Variants in COL12A1 observed in about 807,000 individuals in gnomAD.
COL12A1 encodes the protein collagen alpha-1(XII) chain.
COL12A1 carries 114 observed loss-of-function variants against 349.7 expected under a neutral mutation model. The observed-to-expected ratio is 0.33, with a 90% CI of 0.28 to 0.38. The LOEUF (loss-of-function observed/expected upper bound fraction) is 0.38. COL12A1 is among the 10% of genes least tolerant of loss of function. The pLI, the probability that COL12A1 is intolerant of heterozygous loss-of-function variation, is 1.00. For missense variants in COL12A1, 3,284 were observed against 3,756.9 expected (o/e 0.87, Z 3.29); for synonymous variants, 1,369 against 1,329.0 (o/e 1.03, Z -0.66).
chr6:75,181,234 AGTT>A, intron 10 of COL12A1, 23 bp from the exon 11 acceptor site: 1 of 1,556,090 alleles, frequency 6.4e-7, no homozygotes, highest in Non-Finnish European at 8.7e-7. Flanking sequence ...AAAAAAAGAC[AGTT>A]AAAAATGCTT....
At chr6:75,098,624 A>C (rs1768161837) in intron 58 of COL12A1, among the ~76,000 whole-genome samples, 1 of 152,140 alleles carries the variant, frequency 6.6e-6, no homozygotes, top group Non-Finnish European at 1.5e-5. Flanking sequence ...GCACCACTGC[A>C]CTCCAGCCTG....
intron 31 of COL12A1, among the ~76,000 whole-genome samples, chr6:75,137,016 C>T (rs1766643459): frequency 6.6e-6 from 1 of 152,042 alleles, no homozygotes; most frequent in Admixed American, 6.6e-5. Context: ...ATGCAAAAAA[C>T]AGGGGGAAAT....
At chr6:75,102,789 A>G in intron 55 of COL12A1, 97 bp from the exon 56 acceptor site, 1 of 583,114 alleles carries the variant, frequency 1.7e-6, no homozygotes, top group Non-Finnish European at 2.7e-6. Flanking sequence ...CTAAGACATC[A>G]ATCATATAAT....
intron 26 of COL12A1, among the ~76,000 whole-genome samples, chr6:75,142,366 G>A (rs1766940041): frequency 6.6e-6 from 1 of 152,060 alleles, no homozygotes; most frequent in African/African-American, 2.4e-5. Flanking sequence ...TAGATCATAT[G>A]GCACATGACT....
At chr6:75,140,604 C>T (rs1202267379) in intron 27 of COL12A1, among the ~76,000 whole-genome samples, 1 of 141,300 alleles carries the variant, frequency 7.1e-6, no homozygotes, top group Non-Finnish European at 1.5e-5. Flanking sequence ...TTCAGTGAGC[C>T]GAGATCGTGC....
chr6:75,090,364 T>G lies in COL12A1; in HGVS notation c.8753-66A>C. 6.8e-7 allele frequency: 1 copy of G among 1,476,310 alleles called. No homozygotes were observed. The highest frequency in any genetic ancestry group is 9.2e-7 in the Non-Finnish European group (1 of 1,085,644). 91.5% of individuals were successfully genotyped at this position (1,476,310 alleles called of 1,614,324 possible). ...AAGGACGGATGAGAGAGTGAAACTG[T>G]TTTCTCTTAGTGTCTAGTGAAATCC... is the stretch of plus-strand genomic sequence containing the variant. On this transcript the variant is annotated intron_variant, in intron 62 of 65. Transcript: ENST00000322507. This position sits in a 1 kb window ranked among gnomAD's most constrained non-coding sequence, Gnocchi z 4.1.
intron 38 of COL12A1, 53 bp from the exon 39 acceptor site, chr6:75,126,523 A>G (rs1341870140): frequency 1.3e-6 from 2 of 1,549,156 alleles, no homozygotes; most frequent in South Asian, 2.4e-5. Context: ...ACACAGGGAG[A>G]GCACAAAACT....
At chr6:75,137,746 G>A (rs539585193) in intron 30 of COL12A1, among the ~76,000 whole-genome samples, 167 bp from the exon 31 acceptor site, 1 of 152,098 alleles carries the variant, frequency 6.6e-6, no homozygotes, top group African/African-American at 2.4e-5. Flanking sequence ...CCTTAGTATG[G>A]ACTTTCATTT....
At chr6:75,135,170 G>C (rs907050467) in intron 31 of COL12A1, among the ~76,000 whole-genome samples, 1 of 150,074 alleles carries the variant, frequency 6.7e-6, no homozygotes, top group Non-Finnish European at 1.5e-5. Context: ...GGGCGGGGGG[G>C]ACTAATCATA....
chr6:75,096,199 G>A (rs1005573305), intron 59 of COL12A1, among the ~76,000 whole-genome samples: 2 of 152,042 alleles, frequency 1.3e-5, no homozygotes, highest in East Asian at 1.9e-4. Context: ...TTCTTAAAAT[G>A]GAATGTTCAG....
chr6:75,145,961 C>T, intron 24 of COL12A1, 141 bp downstream of exon 24: 1 of 918,496 alleles, frequency 1.1e-6, no homozygotes, highest in Non-Finnish European at 1.5e-6. Flanking sequence ...CAATGTGTTG[C>T]AGACCACAAA....
chr6:75,103,269 T>C (rs1164482936), intron 55 of COL12A1, among the ~76,000 whole-genome samples: 1 of 152,210 alleles, frequency 6.6e-6, no homozygotes, highest in East Asian at 1.9e-4. Context: ...CTACACATTA[T>C]CTTCATAAAA....
rs201270183 is a variant in COL12A1 at position 75,156,288 on chromosome 6, T to C, written c.3219A>G (p.Glu1073=). The change falls in exon 15 of 66, where the codon GAA becomes GAG. Residue 1073 remains glutamate (E), a synonymous_variant. Transcript: ENST00000322507. The stretch of plus-strand genomic sequence containing the variant: ...TTCCTGATCCTTGCCTAAGCTTTCC[T>C]TCTCCCATCTTGTAAATAGGAAGAA... The part of the protein sequence containing the change: ...ITVLPIYKMG[E]GKLRQGSGTT... 35 of 1,613,804 alleles carry C rather than the reference T, an allele frequency of 2.2e-5. No individual in the cohort carries two copies. Among genetic ancestry groups the C allele is most frequent in the Non-Finnish European group, 2.9e-5 (34 of 1,179,850 alleles).
In COL12A1 at chr6:75,102,652, G is replaced by A. The variant is rs1017276143; in HGVS notation, c.8360C>T (p.Pro2787Leu). ...TCCCTGAGGGCCTGGAGGACCCTGG[G>A]GGCCTGGAGGACCTATGTCTCCACG... Reference protein sequence around the residue: ...GPRGDIGPPGPQGPPGPQGPN... With the variant: ...GPRGDIGPPGLQGPPGPQGPN... The change falls in exon 56 of 66, where the codon CCC becomes CTC. Residue 2787 changes from proline (P) to leucine (L), a missense_variant. Transcript: ENST00000322507. The A allele has an allele frequency of 5.7e-6, 9 of 1,573,050 alleles. No homozygotes were observed. Among genetic ancestry groups the A allele is most frequent in the African/African-American group, 1.4e-5 (1 of 72,418 alleles).
At chr6:75,123,857 G>T in intron 42 of COL12A1, 91 bp downstream of exon 42, 1 of 1,332,610 alleles carries the variant, frequency 7.5e-7, no homozygotes, top group East Asian at 2.3e-5. Context: ...CTACGGAGAG[G>T]TACCTGCACA....
intron 17 of COL12A1, among the ~76,000 whole-genome samples, chr6:75,153,075 A>G (rs1363021824): frequency 6.6e-6 from 1 of 152,166 alleles, no homozygotes; most frequent in Non-Finnish European, 1.5e-5. Context: ...TTTTAAAATT[A>G]TACCTTTTTG....
At chr6:75,143,512 A>C in intron 25 of COL12A1, 124 bp from the exon 26 acceptor site, 1 of 998,382 alleles carries the variant, frequency 1.0e-6, no homozygotes, top group Non-Finnish European at 1.5e-6. Flanking sequence ...ATAACTGAAA[A>C]AAATGATTAT....
intron 2 of COL12A1, among the ~76,000 whole-genome samples, chr6:75,201,868 G>C (rs1169069830): frequency 6.6e-6 from 1 of 152,146 alleles, no homozygotes; most frequent in Non-Finnish European, 1.5e-5. Flanking sequence ...GCCACACGGC[G>C]CCGTTTTGGA....
intron 52 of COL12A1, among the ~76,000 whole-genome samples, 189 bp downstream of exon 52, chr6:75,108,829 C>G (rs1327445085): frequency 6.6e-6 from 1 of 152,136 alleles, no homozygotes; most frequent in East Asian, 1.9e-4. Context: ...GTAGTTAAAG[C>G]ACATTATTAT....
Sources: allele counts gnomAD v4.1 joint callset (sites outside exome capture counted in the v4.1 genomes callset), GRCh38; gene constraint gnomAD v4.1.1; non-coding constraint Gnocchi (gnomAD v3.1); transcripts MANE v1.5; gene names NCBI Gene and HGNC (gene_info 2026-07-23, HGNC 2026-07-21).